The following STPG2 variants were observed in gnomAD, a reference collection of about 807,000 sequenced individuals.
STPG2 encodes sperm-tail PG-rich repeat-containing protein 2.
In STPG2, 56 loss-of-function variants were observed where a neutral mutation model predicts 54.2. That is an observed-to-expected ratio of 1.03 (90% CI 0.83 to 1.29). The LOEUF (loss-of-function observed/expected upper bound fraction) is 1.29, where lower values mean the gene tolerates loss of function less well. Ranked by LOEUF, STPG2 falls within the 50% of genes most tolerant of loss-of-function variation. STPG2 has a pLI of 0.00. For synonymous variants in STPG2, 200 were observed against 181.8 expected (o/e 1.10, Z -0.81); for missense variants, 596 against 544.9 (o/e 1.09, Z -0.93).
At chr4:98,081,835 C>T (rs549639665) in intron 5 of STPG2, among the ~76,000 whole-genome samples, 1 of 152,220 alleles carries the variant, frequency 6.6e-6, no homozygotes, top group East Asian at 1.9e-4. Context: ...AAAGCTTGAG[C>T]TTTATAAACT....
chr4:97,910,512 C>T (rs1037194945), intron 8 of STPG2, among the ~76,000 whole-genome samples: 1 of 152,106 alleles, frequency 6.6e-6, no homozygotes, highest in Non-Finnish European at 1.5e-5. Context: ...AGTACTGTGG[C>T]GTTTTTAAGC....
chr4:97,558,860 C>T (rs1268257793), downstream of STPG2: 2 of 534,750 alleles, frequency 3.7e-6, no homozygotes, highest in Non-Finnish European at 6.6e-6. Context: ...TACAATATGA[C>T]TTTTTAAAGA....
intron 5 of STPG2, among the ~76,000 whole-genome samples, chr4:98,052,191 C>T (rs888381835): frequency 6.6e-6 from 1 of 152,042 alleles, no homozygotes; most frequent in Non-Finnish European, 1.5e-5. Flanking sequence ...GATTGAAACC[C>T]TCTATCCCCA....
chr4:97,481,498 G>T (rs780205808), intron 4 of STPG2, among the ~76,000 whole-genome samples: 2 of 151,408 alleles, frequency 1.3e-5, no homozygotes, highest in Non-Finnish European at 3.0e-5. Context: ...AAAGTATAAA[G>T]ATTTATTAGG....
intron 7 of STPG2, among the ~76,000 whole-genome samples, chr4:97,961,779 C>G (rs1733899826): frequency 6.6e-6 from 1 of 152,140 alleles, no homozygotes; most frequent in Non-Finnish European, 1.5e-5. Context: ...CTAGTACAAC[C>G]ACTATGGAAA....
intron 10 of STPG2, among the ~76,000 whole-genome samples, chr4:97,644,772 G>A (rs1721864208): frequency 6.6e-6 from 1 of 151,970 alleles, no homozygotes; most frequent in African/African-American, 2.4e-5. Flanking sequence ...ATAATTAACA[G>A]ACCAGTAACA....
intron 4 of STPG2, among the ~76,000 whole-genome samples, chr4:97,516,931 T>C (rs147416709): frequency 0.014 from 2,110 of 151,938 alleles, 16 homozygotes; most frequent in Middle Eastern, 0.031. Flanking sequence ...TTTTTAAGAC[T>C]GAGTCTTACT....
chr4:97,891,188 A>T (rs1215056214), intron 8 of STPG2, among the ~76,000 whole-genome samples: 1 of 152,106 alleles, frequency 6.6e-6, no homozygotes, highest in Non-Finnish European at 1.5e-5. Flanking sequence ...AATAAGCAAA[A>T]CCTACTTAAA....
chr4:97,527,445 G>C (rs963747009), intron 4 of STPG2, among the ~76,000 whole-genome samples: 2 of 152,128 alleles, frequency 1.3e-5, no homozygotes, highest in Admixed American at 1.3e-4. Context: ...ATTGCAAACA[G>C]TGCTGAAATA....
intron 4 of STPG2, among the ~76,000 whole-genome samples, chr4:98,107,536 A>T (rs976336842): frequency 1.3e-5 from 2 of 150,926 alleles, no homozygotes; most frequent in Admixed American, 6.6e-5. Context: ...CAACAGCACA[A>T]CAAATGGGGG....
chr4:97,585,398 C>A (rs1732972150), intron 10 of STPG2, among the ~76,000 whole-genome samples: 1 of 151,920 alleles, frequency 6.6e-6, no homozygotes, highest in Admixed American at 6.6e-5. Flanking sequence ...GTGAGAAACA[C>A]CAAGGTGGCT....
At chr4:97,623,118 G>T (rs1266929336) in intron 10 of STPG2, among the ~76,000 whole-genome samples, 4 of 152,068 alleles carry the variant, frequency 2.6e-5, no homozygotes, top group Non-Finnish European at 4.4e-5. Flanking sequence ...CTCAACTCAA[G>T]ATAGATTAAA....
chr4:97,751,663 T>G (rs1001573672), intron 9 of STPG2, among the ~76,000 whole-genome samples: 1 of 151,684 alleles, frequency 6.6e-6, no homozygotes, highest in Non-Finnish European at 1.5e-5. Flanking sequence ...CTGTGTCAAA[T>G]AAACAAACAT....
At chr4:97,657,961 C>T (rs1722263349) in intron 10 of STPG2, among the ~76,000 whole-genome samples, 1 of 152,152 alleles carries the variant, frequency 6.6e-6, no homozygotes, top group Admixed American at 6.5e-5. Flanking sequence ...GTCAAAACTG[C>T]TCCTTCTTCA....
intron 4 of STPG2, among the ~76,000 whole-genome samples, chr4:97,492,939 G>C (rs1219518266): frequency 6.7e-6 from 1 of 149,152 alleles, no homozygotes; most frequent in Non-Finnish European, 1.5e-5. Context: ...GGTAGAGTCT[G>C]CTTTTCCCTT....
chr4:98,114,041 T>C (rs7658177), intron 3 of STPG2, among the ~76,000 whole-genome samples: 59,934 of 151,630 alleles, frequency 0.4, 12,090 homozygotes, highest in Middle Eastern at 0.46. Context: ...ACTAGAGTAG[T>C]TGAAAACACT....
At chr4:98,005,246 AGG>A (rs1350023489) in intron 5 of STPG2, among the ~76,000 whole-genome samples, 1 of 152,130 alleles carries the variant, frequency 6.6e-6, no homozygotes, top group Non-Finnish European at 1.5e-5. Flanking sequence ...CACCCAGATT[AGG>A]GGTGGGTCTG....
chr4:97,694,098 C>G (rs1723475389), intron 10 of STPG2, among the ~76,000 whole-genome samples: 2 of 152,032 alleles, frequency 1.3e-5, no homozygotes, highest in South Asian at 4.2e-4. Context: ...GGTCACACCT[C>G]AAGGAACTAG....
chr4:97,838,600 T>C (rs900745407), intron 9 of STPG2, among the ~76,000 whole-genome samples: 6 of 151,458 alleles, frequency 4.0e-5, no homozygotes, highest in Admixed American at 3.3e-4. Context: ...ACTTAAATCT[T>C]GTCCTTGATT....
Sources: allele counts gnomAD v4.1 joint callset (sites outside exome capture counted in the v4.1 genomes callset), GRCh38; gene constraint gnomAD v4.1.1; transcripts MANE v1.5; gene names NCBI Gene and HGNC (gene_info 2026-07-23, HGNC 2026-07-21).